CNGA1: variants seen among roughly 807,000 people sequenced by gnomAD.
CNGA1 encodes the protein cyclic nucleotide gated channel subunit alpha 1.
A neutral mutation model predicts 69.7 loss-of-function variants in CNGA1; 53 were observed. That is an observed-to-expected ratio of 0.76 (90% CI 0.61 to 0.96). The LOEUF is 0.96. Among genes scored for constraint, CNGA1 ranks in the 40% least tolerant of loss-of-function variants. The pLI is 0.00. For missense variants in CNGA1, 739 were observed against 811.2 expected (o/e 0.91, Z 1.08); for synonymous variants, 249 against 283.5 (o/e 0.88, Z 1.22).
intron 3 of CNGA1, chr4:47,971,249 G>C (rs112994685): frequency 3.4e-4 from 112 of 324,742 alleles, no homozygotes; most frequent in African/African-American, 2.3e-3. Flanking sequence ...CAACAAGAAA[G>C]TGGTAACAGT....
At position 47,937,746 on chromosome 4, in the gene CNGA1, CA is replaced by C; in HGVS notation, c.735del (p.Asp245GlufsTer5). 1 of 1,613,804 alleles carries C rather than the reference CA, an allele frequency of 6.2e-7. No individual in the cohort carries two copies. The highest frequency in any genetic ancestry group is 8.5e-7 in the Non-Finnish European group (1 of 1,179,810). ...KYKSNLQFKL[D>X]VLSLIPTDLL... The stretch of plus-strand genomic sequence containing the variant: ...AAATCAGTTGGTATCAGTGACAGAA[CA>C]TCAAGTTTAAATTGCAAGTTGGATT... On this transcript the variant is annotated frameshift_variant, in exon 11 of 11. Coordinates refer to ENST00000514170, the MANE Select transcript of CNGA1 (RefSeq NM_001379270.1). LOFTEE classifies it high-confidence loss of function.
rs187071734 is a variant in CNGA1 at position 47,969,197 on chromosome 4, C to T, written c.-15+12196G>A. 5.9e-5 allele frequency among the ~76,000 whole-genome samples: 9 copies of T among 152,026 alleles called. No individual in the cohort carries two copies. In the East Asian group the frequency reaches 1.7e-3, roughly 30 times the overall value. ...TATAGCCACAGAAGCTTTTCCACAC[C>T]TTCTCCATTAGTGTCAGATCCCACT... is the stretch of plus-strand genomic sequence containing the variant. On this transcript the variant is annotated intron_variant, in intron 3 of 10. Transcript: ENST00000514170.
chr4:47,953,508 A>G (rs1739869421), intron 3 of CNGA1, among the ~76,000 whole-genome samples: 2 of 152,236 alleles, frequency 1.3e-5, no homozygotes, highest in Admixed American at 1.3e-4. Flanking sequence ...GGAAAGAGAG[A>G]TAAAATTGAT....
chr4:47,984,275 C>T (rs1006871132), intron 2 of CNGA1, among the ~76,000 whole-genome samples: 3 of 152,156 alleles, frequency 2.0e-5, no homozygotes, highest in Admixed American at 2.0e-4. Context: ...ACTTTACCTG[C>T]ATACAAATGC....
At chr4:47,976,286 TATATATATACAC>T (rs1364128314) in intron 3 of CNGA1, among the ~76,000 whole-genome samples, 1 of 38,702 alleles carries the variant, frequency 2.6e-5, no homozygotes, top group Admixed American at 3.3e-4. Flanking sequence ...TATATGTATA[TATATATATACAC>T]ATACATATAT....
chr4:48,001,099 T>C (rs188841110), intron 2 of CNGA1, among the ~76,000 whole-genome samples: 39 of 152,174 alleles, frequency 2.6e-4, no homozygotes, highest in African/African-American at 9.2e-4. Context: ...ATGTCATTTA[T>C]GAGAAATAAG....
At chr4:47,965,146 G>A (rs769205561) in intron 3 of CNGA1, among the ~76,000 whole-genome samples, 4 of 151,980 alleles carry the variant, frequency 2.6e-5, no homozygotes, top group Non-Finnish European at 5.9e-5. Flanking sequence ...CTATCTTAAC[G>A]GATATCCAGT....
Position 47,937,562 on chromosome 4 carries a change from A to G in CNGA1, c.920T>C (p.Ile307Thr), listed in dbSNP as rs567427901. 64 of 1,614,080 alleles carry G rather than the reference A, an allele frequency of 4.0e-5. 1 individual carries two copies. In the South Asian group the frequency reaches 6.4e-4, roughly 16 times the overall value. ...SNLVMYIVII[I>T]HWNACVFYSI... is the part of the protein sequence containing the mutation. ...GTAGAACACACATGCATTCCAGTGG[A>G]TAATGATGACGATATACATAACAAG... The change falls in exon 11 of 11, where the codon ATC becomes ACC. Residue 307 changes from isoleucine to threonine, a missense_variant. By Grantham distance (89) the Ile-to-Thr change is moderately conservative (BLOSUM62 -1). Transcript: ENST00000514170.
At chr4:48,004,158 T>C (rs1044465384) in intron 2 of CNGA1, among the ~76,000 whole-genome samples, 7 of 151,352 alleles carry the variant, frequency 4.6e-5, no homozygotes, top group Admixed American at 1.3e-4. Flanking sequence ...CTCTTTCTCC[T>C]CTCTCTCTCT....
At chr4:47,981,174 A>C (rs1231017299) in intron 3 of CNGA1, among the ~76,000 whole-genome samples, 1 of 152,224 alleles carries the variant, frequency 6.6e-6, no homozygotes, top group Non-Finnish European at 1.5e-5. Flanking sequence ...AGCATTTACT[A>C]TTTTGTGATA....
chr4:47,996,980 A>C (rs1363066934), intron 2 of CNGA1, among the ~76,000 whole-genome samples: 1 of 152,148 alleles, frequency 6.6e-6, no homozygotes, highest in African/African-American at 2.4e-5. Flanking sequence ...GAATCACTTG[A>C]ACCCAGGAGG....
chr4:47,938,842 T>C (rs1233419242), intron 10 of CNGA1, among the ~76,000 whole-genome samples: 2 of 151,632 alleles, frequency 1.3e-5, no homozygotes, highest in Admixed American at 6.6e-5. Context: ...TTTGGAAGGC[T>C]GAGGCAGGAG....
intron 4 of CNGA1, among the ~76,000 whole-genome samples, chr4:47,951,809 T>A (rs552780121): frequency 6.6e-6 from 1 of 152,340 alleles, no homozygotes; most frequent in Admixed American, 6.5e-5. Context: ...TGAACTAGTT[T>A]TCTAACTAAT....
intron 3 of CNGA1, chr4:47,971,230 G>A (rs1741006683): frequency 6.4e-6 from 2 of 314,332 alleles, no homozygotes; most frequent in Non-Finnish European, 1.3e-5. Context: ...GAATCTCTCT[G>A]GAAAAATGCA....
chr4:47,943,022 T>A, intron 8 of CNGA1, 159 bp downstream of exon 8: 1 of 583,694 alleles, frequency 1.7e-6, no homozygotes. Flanking sequence ...TTCTGATAAT[T>A]TATGTTAAAT....
chr4:47,962,117 G>A (rs562557589), intron 3 of CNGA1, among the ~76,000 whole-genome samples: 15 of 152,170 alleles, frequency 9.9e-5, no homozygotes, highest in South Asian at 2.1e-4. Flanking sequence ...AGGCCAAGGC[G>A]GGTGGATCAC....
intron 2 of CNGA1, among the ~76,000 whole-genome samples, chr4:48,007,572 G>A (rs983840644): frequency 1.3e-5 from 2 of 152,116 alleles, no homozygotes; most frequent in African/African-American, 4.8e-5. Context: ...AGGACTTGGT[G>A]TCCTTTTTAG....
At chr4:47,951,548 G>C in intron 4 of CNGA1, 79 bp from the exon 5 acceptor site, 2 of 894,648 alleles carry the variant, frequency 2.2e-6, no homozygotes, top group Non-Finnish European at 1.9e-6. Context: ...TCACTAGGGG[G>C]ACAATTGCCT....
intron 2 of CNGA1, among the ~76,000 whole-genome samples, chr4:47,997,545 T>C (rs934158604): frequency 2.6e-5 from 4 of 152,172 alleles, no homozygotes; most frequent in Non-Finnish European, 5.9e-5. Context: ...GGGGTACTCA[T>C]ATTAGTAATA....
Sources: allele counts gnomAD v4.1 joint callset (sites outside exome capture counted in the v4.1 genomes callset), GRCh38; gene constraint gnomAD v4.1.1; transcripts MANE v1.5; gene names NCBI Gene and HGNC (gene_info 2026-07-23, HGNC 2026-07-21).